The following ESRRG variants were observed in gnomAD, a reference collection of about 807,000 sequenced individuals.
ESRRG encodes the protein estrogen related receptor gamma.
A neutral mutation model predicts 44.0 loss-of-function variants in ESRRG; 13 were observed. That is an observed-to-expected ratio of 0.30 (90% confidence interval 0.19 to 0.47). The LOEUF (loss-of-function observed/expected upper bound fraction) is 0.47, where lower values mean the gene tolerates loss of function less well. ESRRG is among the 20% of genes least tolerant of loss of function. The pLI is 1.00. For missense variants in ESRRG, 395 were observed against 580.6 expected (o/e 0.68, Z 3.29); for synonymous variants, 215 against 214.6 (o/e 1.00, Z -0.02).
At chr1:216,753,054 G>A (rs1260056647) in intron 2 of ESRRG, among the ~76,000 whole-genome samples, 1 of 151,964 alleles carries the variant, frequency 6.6e-6, no homozygotes, top group Non-Finnish European at 1.5e-5. Flanking sequence ...TGAGGATGAT[G>A]TCTCACTTCT....
At chr1:216,832,640 G>A (rs1035968467) in intron 2 of ESRRG, among the ~76,000 whole-genome samples, 4 of 152,094 alleles carry the variant, frequency 2.6e-5, no homozygotes, top group Admixed American at 6.6e-5. Flanking sequence ...GAGGAGACAA[G>A]CCTACCTGAT....
At position 216,588,837 on chromosome 1, in the gene ESRRG, C is replaced by T. The variant is rs546382821; in HGVS notation, c.590-20739G>A. On this transcript the variant is annotated intron_variant, in intron 3 of 6. Transcript: ENST00000408911. ...ATAATTGATTCATTGATTCTCCCCA[C>T]CCCCAAAACAAGCGCTTTGGGAATC... Among the ~76,000 whole-genome samples, 260 of 152,280 alleles carry T rather than the reference C, an allele frequency of 1.7e-3. 2 individuals carry two copies. The highest frequency in any genetic ancestry group is 6.2e-3 in the African/African-American group (259 of 41,550).
chr1:216,904,475 G>A (rs562209997), intron 2 of ESRRG, among the ~76,000 whole-genome samples: 12 of 152,282 alleles, frequency 7.9e-5, no homozygotes, highest in South Asian at 2.1e-4. Context: ...CGCACTTAGC[G>A]TCTGTTATAA....
At chr1:216,731,751 T>C (rs1008628506) in intron 2 of ESRRG, among the ~76,000 whole-genome samples, 2 of 152,192 alleles carry the variant, frequency 1.3e-5, no homozygotes, top group African/African-American at 4.8e-5. Context: ...GGGAGGGGCA[T>C]GAGGCCTGTA....
At chr1:216,593,471 A>C (rs1486342674) in intron 3 of ESRRG, among the ~76,000 whole-genome samples, 1 of 152,210 alleles carries the variant, frequency 6.6e-6, no homozygotes. Flanking sequence ...TTTTAAGTGG[A>C]ACATCTAGGA....
At chr1:216,844,421 T>C (rs1030843) in intron 2 of ESRRG, among the ~76,000 whole-genome samples, 2,572 of 152,174 alleles carry the variant, frequency 0.017, 181 homozygotes, top group Admixed American at 0.13. Context: ...CTATGGTAAA[T>C]TGAATGAAAT....
At position 216,896,669 on chromosome 1, in the gene ESRRG, A is replaced by G. The variant is rs12034503; in HGVS notation, c.-14+42913T>C. 5.5e-3 allele frequency among the ~76,000 whole-genome samples: 832 copies of G among 152,272 alleles called. 38 individuals carry two copies. The East Asian group carries it at 0.11, about 20-fold the overall frequency. On this transcript the variant is annotated intron_variant, in intron 2 of 7. Transcript: ENST00000359162. ...GGGATTCTAGGAACCCAGTCTGTCA[A>G]TTTTTCAGTTTCTGCACTTTCATGG...
chr1:216,675,059 T>C (rs953214271), intron 2 of ESRRG, among the ~76,000 whole-genome samples: 18 of 152,064 alleles, frequency 1.2e-4, no homozygotes, highest in Non-Finnish European at 2.2e-4. Flanking sequence ...AATTTCCAGA[T>C]GCTCTTAAAA....
At chr1:216,669,386 C>T (rs994109352) in intron 2 of ESRRG, among the ~76,000 whole-genome samples, 7 of 152,110 alleles carry the variant, frequency 4.6e-5, no homozygotes, top group African/African-American at 9.7e-5. Context: ...TTAGGACACC[C>T]ATTCATATAG....
rs1025793021 is a variant in ESRRG, at chr1:216,989,463, G to A, written c.-105-49790C>T. ...AAAAAAAAAAAAACACAGTGGGAGT[G>A]ATTTATAAATTTATCTAATGTATCA... is the stretch of plus-strand genomic sequence containing the variant. On this transcript the variant is annotated intron_variant, in intron 1 of 7. Coordinates refer to the ESRRG transcript ENST00000359162. Among the ~76,000 whole-genome samples the A allele has an allele frequency of 3.4e-5, 5 of 148,550 alleles. 1 individual carries two copies. The highest frequency in any genetic ancestry group is 2.0e-4 in the Admixed American group (3 of 14,880).
intron 2 of ESRRG, among the ~76,000 whole-genome samples, chr1:216,778,645 G>A (rs2093700660): frequency 6.6e-6 from 1 of 151,878 alleles, no homozygotes; most frequent in South Asian, 2.1e-4. Context: ...GGCCCCAACA[G>A]ACTATAGACA....
chr1:216,601,351 G>A (rs1437744455), intron 3 of ESRRG, among the ~76,000 whole-genome samples: 1 of 152,122 alleles, frequency 6.6e-6, no homozygotes, highest in Non-Finnish European at 1.5e-5. Context: ...CGGAGCCGAC[G>A]CCGGGCTTCA....
At chr1:216,809,691 C>T (rs901977498) in intron 2 of ESRRG, among the ~76,000 whole-genome samples, 3 of 152,080 alleles carry the variant, frequency 2.0e-5, no homozygotes, top group Admixed American at 6.6e-5. Flanking sequence ...CGGAAAGCAA[C>T]GTCTTCACCA....
At chr1:216,659,756 T>C (rs2071754382) in intron 2 of ESRRG, among the ~76,000 whole-genome samples, 1 of 152,140 alleles carries the variant, frequency 6.6e-6, no homozygotes, top group African/African-American at 2.4e-5. Context: ...AACTAGTTCA[T>C]CCCGTACTTA....
intron 1 of ESRRG, among the ~76,000 whole-genome samples, chr1:216,696,157 C>T (rs1251174869): frequency 6.6e-6 from 1 of 152,134 alleles, no homozygotes; most frequent in Non-Finnish European, 1.5e-5. Flanking sequence ...AATTACAACC[C>T]TACTGGTTCT....
chr1:217,089,101 A>G (rs1049922830), intron 1 of ESRRG, among the ~76,000 whole-genome samples: 2 of 151,844 alleles, frequency 1.3e-5, no homozygotes, highest in Admixed American at 6.6e-5. Flanking sequence ...CTCTCCCCCA[A>G]CGACCCCTGC....
At chr1:216,878,678 G>A (rs555721451) in intron 2 of ESRRG, among the ~76,000 whole-genome samples, 23 of 152,042 alleles carry the variant, frequency 1.5e-4, no homozygotes, top group Admixed American at 3.9e-4. Context: ...TAATTTTTTG[G>A]TGCCACCTTT....
At position 216,506,864 on chromosome 1, in the gene ESRRG, G is replaced by A. The variant is rs146420215; in HGVS notation, c.*75C>T. ...TTTGATGTTGTTAACTAAACTCTAA[G>A]TTTCTTCGACATCACTCTTGGGTTT... On this transcript the variant is annotated 3_prime_UTR_variant, in exon 7 of 7. Coordinates refer to ENST00000408911, the MANE Select transcript of ESRRG (RefSeq NM_001438.4). The A allele has an allele frequency of 8.2e-5, 125 of 1,516,428 alleles. No homozygotes were observed. The African/African-American group carries it at 1.4e-3, about 17-fold the overall frequency. The allele number at this position is 1,516,428 out of a possible 1,614,324, so 93.9% of individuals were successfully genotyped here.
At chr1:216,623,135 T>G (rs1363116346) in intron 3 of ESRRG, among the ~76,000 whole-genome samples, 1 of 126,282 alleles carries the variant, frequency 7.9e-6, no homozygotes, top group East Asian at 2.3e-4. Flanking sequence ...CAGGCTGGAG[T>G]GCAGTGCCGC....
Sources: gnomAD v4.1 joint callset for allele counts (sites outside exome capture counted in the v4.1 genomes callset) on GRCh38, gnomAD v4.1.1 for gene constraint, MANE v1.5 for transcripts, NCBI Gene and HGNC (gene_info 2026-07-23, HGNC 2026-07-21) for gene names.